The following ZAR1L variants were observed in gnomAD, a reference collection of about 807,000 sequenced individuals.
ZAR1L encodes zygote arrest 1 like, also known as protein ZAR1-like.
A neutral mutation model predicts 30.0 loss-of-function variants in ZAR1L; 16 were observed. The observed-to-expected ratio is 0.53, with a 90% confidence interval of 0.36 to 0.81. The LOEUF (loss-of-function observed/expected upper bound fraction) is 0.81. Ranked by LOEUF, ZAR1L falls within the 30% of genes least tolerant of loss-of-function variation. ZAR1L has a pLI of 0.00. For synonymous variants in ZAR1L, 197 were observed against 166.8 expected (o/e 1.18, Z -1.40); for missense variants, 392 against 417.2 (o/e 0.94, Z 0.53).
At chr13:32,306,547 T>C (rs1223455230) in intron 5 of ZAR1L, among the ~76,000 whole-genome samples, 1 of 152,198 alleles carries the variant, frequency 6.6e-6, no homozygotes, top group Non-Finnish European at 1.5e-5. Context: ...TATTGTTTCA[T>C]AGAAACAATG....
In ZAR1L at chr13:32,311,363, C is replaced by A; in HGVS notation, c.563G>T (p.Gly188Val). 6.4e-7 allele frequency: 1 copy of A among 1,550,988 alleles called. No homozygotes were observed. The highest frequency in any genetic ancestry group is 1.7e-4 in the Middle Eastern group (1 of 5,988). Reference sequence around the variant, plus strand: ...CTGAGGGCACGGGGCGTCTTTCTCCCCCGATTCCTCCAGCTGCCCGGGCTC... The same window carrying A: ...CTGAGGGCACGGGGCGTCTTTCTCCACCGATTCCTCCAGCTGCCCGGGCTC... ...QEEPGQLEES[G>V]EKDAPCPQET... The change falls in exon 3 of 6, where the codon GGG (glycine) becomes GTG (valine). Residue 188 changes from glycine to valine, a missense_variant. Physicochemically the swap from Gly to Val is moderately radical, Grantham distance 109. Coordinates refer to ENST00000533490, the MANE Select transcript of ZAR1L (RefSeq NM_001136571.2).
chr13:32,304,113 C>T, intron 5 of ZAR1L, 91 bp from the exon 6 acceptor site: 2 of 1,362,924 alleles, frequency 1.5e-6, no homozygotes, highest in East Asian at 2.5e-5. Flanking sequence ...CCCTATTACC[C>T]TATCCCTGAA....
intron 5 of ZAR1L, among the ~76,000 whole-genome samples, chr13:32,307,498 C>CAAAAAAAAAAAAAAAA (rs772822284): frequency 1.3e-4 from 2 of 15,356 alleles, no homozygotes; most frequent in Non-Finnish European, 2.1e-4. Context: ...GAGTCTGTCT[C>CAAAAAAAAAAAAAAAA]AAAAAAAAAA....
chr13:32,313,677 T>G (rs916885771), intron 2 of ZAR1L, among the ~76,000 whole-genome samples: 1 of 152,130 alleles, frequency 6.6e-6, no homozygotes, highest in African/African-American at 2.4e-5. Context: ...GGAAATAATG[T>G]TTTTAAGAAA....
chr13:32,308,398 A>G (rs1374419262), intron 5 of ZAR1L, among the ~76,000 whole-genome samples: 1 of 152,250 alleles, frequency 6.6e-6, no homozygotes, highest in Non-Finnish European at 1.5e-5. Flanking sequence ...GTAGTAAAAA[A>G]TTAACAGCAG....
At chr13:32,313,005 T>C (rs1175269545) in intron 2 of ZAR1L, among the ~76,000 whole-genome samples, 14 of 152,146 alleles carry the variant, frequency 9.2e-5, no homozygotes, top group Admixed American at 7.9e-4. Context: ...CACTGATATG[T>C]GGAATCTGAA....
rs1268614835 is a variant in ZAR1L at position 32,310,603 on chromosome 13, C to G, written c.747+36G>C. The G allele has an allele frequency of 6.5e-6, 9 of 1,392,770 alleles. No individual in the cohort carries two copies. The East Asian group carries it at 7.5e-5, about 12-fold the overall frequency. The allele number at this position is 1,392,770 out of a possible 1,614,324, so 86.3% of individuals were successfully genotyped here. On this transcript the variant is annotated intron_variant, in intron 4 of 5. Coordinates refer to ENST00000533490, the MANE Select transcript of ZAR1L (RefSeq NM_001136571.2). ...TTCCCCGCTTACCATCCGTGCCCAC[C>G]CCATCCTCCTCTCACCTCCTACTCT...
intron 5 of ZAR1L, among the ~76,000 whole-genome samples, chr13:32,305,206 C>G (rs1309987931): frequency 6.6e-6 from 1 of 151,972 alleles, no homozygotes; most frequent in Non-Finnish European, 1.5e-5. Context: ...GAAGAATATG[C>G]CTCCTTATGA....
chr13:32,313,460 G>T (rs1239186236), intron 2 of ZAR1L, among the ~76,000 whole-genome samples: 2 of 152,206 alleles, frequency 1.3e-5, no homozygotes, highest in Non-Finnish European at 2.9e-5. Context: ...TCCGCCTCTG[G>T]GGTTCAAGTG....
intron 4 of ZAR1L, 112 bp downstream of exon 4, chr13:32,310,527 C>A: frequency 1.3e-6 from 1 of 749,274 alleles, no homozygotes; most frequent in Non-Finnish European, 2.2e-6. Context: ...GGGGATGCCA[C>A]CAAGATCAAG....
At position 32,311,671 on chromosome 13, in the gene ZAR1L, C is replaced by T. The variant is rs2138689874; in HGVS notation, c.255G>A (p.Lys85=). The T allele has an allele frequency of 6.4e-7, 1 of 1,551,580 alleles. No individual in the cohort carries two copies. Among genetic ancestry groups the T allele is most frequent in the Non-Finnish European group, 8.7e-7 (1 of 1,147,006 alleles). ...MNPSLSPRLC[K]PNTKEVGVQV... ...GCACGCCCACCTCCTTGGTGTTGGG[C>T]TTGCACAGCCGCGGGCTCAGGCTGG... The change falls in exon 3 of 6, where the codon AAG becomes AAA. Residue 85 remains lysine, a synonymous_variant. Coordinates refer to ENST00000533490, the MANE Select transcript of ZAR1L (RefSeq NM_001136571.2).
chr13:32,313,077 G>T (rs550627560), intron 2 of ZAR1L, among the ~76,000 whole-genome samples: 1 of 152,180 alleles, frequency 6.6e-6, no homozygotes, highest in Non-Finnish European at 1.5e-5. Flanking sequence ...AAGTTGGGGG[G>T]AATGGAGAGA....
At chr13:32,308,821 G>T in intron 4 of ZAR1L, 61 bp from the exon 5 acceptor site, 1 of 1,153,254 alleles carries the variant, frequency 8.7e-7, no homozygotes, top group Non-Finnish European at 1.3e-6. Context: ...CCCTGCAAAG[G>T]CTCCCAGTTC....
chr13:32,311,543 G>C lies in ZAR1L; in HGVS notation c.383C>G (p.Pro128Arg). ...WDGRDPQEPLPACGVTSPATG... is the reference protein window; with the variant it reads ...WDGRDPQEPLRACGVTSPATG... ...GGCGGGCGAAGTGACCCCACAGGCT[G>C]GCAGGGGCTCCTGGGGGTCTCTGCC... The change falls in exon 3 of 6, where the codon CCA (proline) becomes CGA (arginine). Residue 128 changes from proline to arginine, a missense_variant. Pro to Arg is a moderately radical substitution (Grantham distance 103). Transcript: ENST00000533490. 6.5e-7 allele frequency: 1 copy of C among 1,534,624 alleles called. No homozygotes were observed. Among genetic ancestry groups the C allele is most frequent in the Non-Finnish European group, 8.8e-7 (1 of 1,139,624 alleles).
At chr13:32,310,523 G>T in intron 4 of ZAR1L, 116 bp downstream of exon 4, 1 of 716,930 alleles carries the variant, frequency 1.4e-6, no homozygotes. Flanking sequence ...CACGGGGGAT[G>T]CCACCAAGAT....
At chr13:32,309,515 T>C (rs1017466959) in intron 4 of ZAR1L, among the ~76,000 whole-genome samples, 1 of 152,226 alleles carries the variant, frequency 6.6e-6, no homozygotes, top group African/African-American at 2.4e-5. Context: ...TGCAATTTCC[T>C]GTGCACATTT....
At chr13:32,310,802 T>A in intron 3 of ZAR1L, 71 bp from the exon 4 acceptor site, 1 of 991,240 alleles carries the variant, frequency 1.0e-6, no homozygotes, top group Non-Finnish European at 1.5e-6. Flanking sequence ...TTTATGACTT[T>A]GTATAAGGAA....
At position 32,312,039 on chromosome 13, in the gene ZAR1L, C is replaced by T; in HGVS notation, c.-114G>A. On this transcript the variant is annotated 5_prime_UTR_variant, in exon 3 of 6. An upstream start codon of the reference 5' UTR is lost. Transcript: ENST00000533490. ...TCTCTTCATCAGGTTGGTTCAGATT[C>T]ATTCCTGGCTTCTCCATTTATTTCA... The T allele has an allele frequency of 8.3e-7, 1 of 1,207,516 alleles. No homozygotes were observed. The highest frequency in any genetic ancestry group is 1.1e-6 in the Non-Finnish European group (1 of 889,038). 74.8% of individuals were successfully genotyped at this position (1,207,516 alleles called of 1,614,324 possible).
At position 32,310,659 on chromosome 13, in the gene ZAR1L, A is replaced by G; in HGVS notation, c.727T>C (p.Cys243Arg). ...TTTACCTTGTTCGTTCCAGAAATGC[A>G]CCACACGTAAGCACTCTCCCACCTG... ...KTRWESAYVW[C>R]ISGTNKVYFK... Residue 243 changes from cysteine to arginine, a missense_variant, in exon 4 of 6, where the codon TGC becomes CGC. Transcript: ENST00000533490. 1 of 1,551,546 alleles carries G rather than the reference A, an allele frequency of 6.4e-7. No homozygotes were observed. The highest frequency in any genetic ancestry group is 8.7e-7 in the Non-Finnish European group (1 of 1,146,710).
Sources: allele counts gnomAD v4.1 joint callset (sites outside exome capture counted in the v4.1 genomes callset), GRCh38; gene constraint gnomAD v4.1.1; transcripts MANE v1.5; gene names NCBI Gene and HGNC (gene_info 2026-07-23, HGNC 2026-07-21).